RAB40B: variants seen among roughly 807,000 people sequenced by gnomAD.
The protein encoded by RAB40B is RAB40B, member RAS oncogene family.
A neutral mutation model predicts 24.0 loss-of-function variants in RAB40B; 21 were observed. The observed-to-expected ratio is 0.88, with a 90% CI of 0.62 to 1.26. RAB40B has a LOEUF of 1.26. Ranked by LOEUF, RAB40B falls within the 50% of genes most tolerant of loss-of-function variation. The pLI is 0.00. For missense variants in RAB40B, 348 were observed against 390.5 expected (o/e 0.89, Z 0.92); for synonymous variants, 167 against 169.8 (o/e 0.98, Z 0.13).
rs1204112988 is a variant in RAB40B, at chr17:82,692,096, C to T, written c.142+6359G>A. ...AGGTGACAGGCAGAGCAGTGGGGCC[C>T]GCACGGTCCGTGGGCTGAGGTGACA... On this transcript the variant is annotated intron_variant, in intron 1 of 5. Coordinates refer to ENST00000571995, the MANE Select transcript of RAB40B (RefSeq NM_006822.3). The surrounding 1 kb of genome is among the most constrained non-coding windows in gnomAD (Gnocchi z 4.0). Among the ~76,000 whole-genome samples, 3 of 15,296 alleles carry T rather than the reference C, an allele frequency of 2.0e-4. No homozygotes were observed. The highest frequency in any genetic ancestry group is 6.5e-4 in the African/African-American group (2 of 3,066). 10.0% of individuals were successfully genotyped at this position (15,296 alleles called of 152,430 possible). A position where few individuals can be genotyped will look rare whatever the true frequency, so the allele number is the denominator to read the frequency against.
intron 1 of RAB40B, among the ~76,000 whole-genome samples, chr17:82,683,046 G>A (rs1015919782): frequency 6.6e-6 from 1 of 152,208 alleles, no homozygotes; most frequent in Non-Finnish European, 1.5e-5. Flanking sequence ...GGGAGGCTGA[G>A]GCAGGAGAAT....
intron 1 of RAB40B, among the ~76,000 whole-genome samples, chr17:82,678,524 A>G (rs1041120582): frequency 6.6e-6 from 1 of 152,224 alleles, no homozygotes; most frequent in African/African-American, 2.4e-5. Context: ...GTCATCTACC[A>G]CCTGCTTAAT....
intron 1 of RAB40B, among the ~76,000 whole-genome samples, chr17:82,669,135 CG>C (rs10710873): frequency 0.27 from 41,516 of 151,896 alleles, 5,800 homozygotes; most frequent in Admixed American, 0.29. Flanking sequence ...CCCAGGAATT[CG>C]AAACCAGCCT....
At chr17:82,661,934 G>C (rs2046178811) in intron 2 of RAB40B, 1 of 983,616 alleles carries the variant, frequency 1.0e-6, no homozygotes, top group African/African-American at 1.8e-5. Flanking sequence ...AGGGTGGAAA[G>C]GGTGCTCCCC....
chr17:82,666,080 A>G (rs867208928), intron 1 of RAB40B, among the ~76,000 whole-genome samples: 23 of 127,560 alleles, frequency 1.8e-4, no homozygotes, highest in East Asian at 6.7e-4. Context: ...ACCTGCCACC[A>G]CACCTGCCAC....
chr17:82,657,255 CA>C lies in RAB40B; in HGVS notation c.*607del. ...TTCATAACTTGTAGAATATCTTGTA[CA>C]AAAAACTGTAGATTTACAGAAAAAT... On this transcript the variant is annotated 3_prime_UTR_variant, in exon 6 of 6. Transcript: ENST00000571995. 1 of 175,168 alleles carries C rather than the reference CA, an allele frequency of 5.7e-6. No homozygotes were observed. The allele number at this position is 175,168 out of a possible 1,614,324, so 10.9% of individuals were successfully genotyped here.
rs570447847 is a variant in RAB40B, at chr17:82,680,597, C to T, written c.143-16041G>A. ...CAATCTTATCACCCATGGACAACTA[C>T]GATTAATATTTCAGTGTAGTTCATT... On this transcript the variant is annotated intron_variant, in intron 1 of 5. Transcript: ENST00000571995. 3.5e-3 allele frequency among the ~76,000 whole-genome samples: 540 copies of T among 152,252 alleles called. 2 individuals carry two copies. Among genetic ancestry groups the T allele is most frequent in the African/African-American group, 0.011 (466 of 41,546 alleles).
intron 1 of RAB40B, among the ~76,000 whole-genome samples, chr17:82,686,008 T>C (rs2046496313): frequency 6.6e-6 from 1 of 152,054 alleles, no homozygotes; most frequent in Non-Finnish European, 1.5e-5. Context: ...TTCACCATGT[T>C]GGCCAGGCTG....
intron 1 of RAB40B, among the ~76,000 whole-genome samples, chr17:82,690,251 C>T (rs1249011893): frequency 7.2e-6 from 1 of 139,710 alleles, no homozygotes; most frequent in Non-Finnish European, 1.5e-5. Context: ...CACACGTGTT[C>T]TCGGGGAGCA....
At position 82,657,748 on chromosome 17, in the gene RAB40B, T is replaced by G; in HGVS notation, c.*115A>C. ...CATCACACGGAAGGCGTCGCACACA[T>G]TCGCAAGCAGCATTCGCCGAGAGGA... On this transcript the variant is annotated 3_prime_UTR_variant, in exon 6 of 6. Coordinates refer to ENST00000571995, the MANE Select transcript of RAB40B (RefSeq NM_006822.3). The G allele has an allele frequency of 1.6e-6, 2 of 1,265,490 alleles. No individual in the cohort carries two copies. The highest frequency in any genetic ancestry group is 2.3e-6 in the Non-Finnish European group (2 of 864,992). The allele number at this position is 1,265,490 out of a possible 1,614,324, so 78.4% of individuals were successfully genotyped here.
chr17:82,665,249 TTTC>T (rs1260783308), intron 1 of RAB40B, among the ~76,000 whole-genome samples: 1 of 104,024 alleles, frequency 9.6e-6, no homozygotes, highest in African/African-American at 3.5e-5. Flanking sequence ...CGAGAATGCC[TTTC>T]TTCTTCTTTT....
chr17:82,693,420 G>T (rs750181653), intron 1 of RAB40B, among the ~76,000 whole-genome samples: 2 of 152,258 alleles, frequency 1.3e-5, no homozygotes, highest in African/African-American at 2.4e-5. Context: ...ACAGCCCCGT[G>T]CTGAGAGGGA....
At chr17:82,685,235 C>G (rs2459708) in intron 1 of RAB40B, among the ~76,000 whole-genome samples, 105,004 of 123,728 alleles carry the variant, frequency 0.85, 43,715 homozygotes, top group Admixed American at 0.9. Context: ...GGAGGGAGGA[C>G]GGAGGAGGGA....
In RAB40B at chr17:82,667,195, T is replaced by C. The variant is rs1039666661; in HGVS notation, c.143-2639A>G. ...GCCCCCTCGAAGGGTCTAGAACCCT[T>C]GGACTTGGCCACAAGCCCCCCTGCA... On this transcript the variant is annotated intron_variant, in intron 1 of 5. Transcript: ENST00000571995. The surrounding 1 kb of genome is among the most constrained non-coding windows in gnomAD (Gnocchi z 4.3). Among the ~76,000 whole-genome samples the C allele has an allele frequency of 3.3e-5, 5 of 152,222 alleles. No individual in the cohort carries two copies. The highest frequency in any genetic ancestry group is 2.6e-4 in the Admixed American group (4 of 15,288).
intron 1 of RAB40B, among the ~76,000 whole-genome samples, chr17:82,684,502 T>A (rs2046477798): frequency 6.6e-6 from 1 of 152,190 alleles, no homozygotes; most frequent in Non-Finnish European, 1.5e-5. Flanking sequence ...AGTGGCTTTT[T>A]TCATAGATCG....
intron 1 of RAB40B, among the ~76,000 whole-genome samples, chr17:82,670,299 C>T (rs957954962): frequency 6.6e-6 from 1 of 151,260 alleles, no homozygotes; most frequent in African/African-American, 2.4e-5. Flanking sequence ...ATTCTCGTGC[C>T]TCAGCGTCCC....
chr17:82,670,977 C>T (rs117445894), intron 1 of RAB40B, among the ~76,000 whole-genome samples: 435 of 152,196 alleles, frequency 2.9e-3, no homozygotes, highest in Non-Finnish European at 4.9e-3. Flanking sequence ...GTCTCCCTTC[C>T]CCATTTTAAT....
chr17:82,673,745 C>T (rs1353154818), intron 1 of RAB40B, among the ~76,000 whole-genome samples: 1 of 152,240 alleles, frequency 6.6e-6, no homozygotes, highest in Non-Finnish European at 1.5e-5. Flanking sequence ...GTGGGCCTTG[C>T]TGTAGGGATC....
In RAB40B at chr17:82,660,621, G is replaced by A. The variant is rs186536046; in HGVS notation, c.264+366C>T. Among the ~76,000 whole-genome samples the A allele has an allele frequency of 7.0e-3, 964 of 137,390 alleles. 7 individuals carry two copies. The highest frequency in any genetic ancestry group is 0.012 in the Non-Finnish European group (784 of 65,146). 90.1% of individuals were successfully genotyped at this position (137,390 alleles called of 152,430 possible). A position where few individuals can be genotyped will look rare whatever the true frequency, so the allele number is the denominator to read the frequency against. On this transcript the variant is annotated intron_variant, in intron 3 of 5. Coordinates refer to ENST00000571995, the MANE Select transcript of RAB40B (RefSeq NM_006822.3). ...ATACACTGCACATACCTGCACACAC[G>A]TGCACACACACACGCACAGGCACTC...
Sources: allele counts gnomAD v4.1 joint callset (sites outside exome capture counted in the v4.1 genomes callset), GRCh38; gene constraint gnomAD v4.1.1; non-coding constraint Gnocchi (gnomAD v3.1); transcripts MANE v1.5; gene names NCBI Gene and HGNC (gene_info 2026-07-23, HGNC 2026-07-21).